PSMD8: variants seen among roughly 807,000 people sequenced by gnomAD.
The protein encoded by PSMD8 is 26S proteasome non-ATPase regulatory subunit 8.
In PSMD8, 30 loss-of-function variants were observed where a neutral mutation model predicts 40.0. The observed-to-expected ratio is 0.75, with a 90% CI of 0.56 to 1.02. PSMD8 has a LOEUF of 1.02. Among genes scored for constraint, PSMD8 ranks in the 50% least tolerant of loss-of-function variants. PSMD8 has a pLI of 0.00. For synonymous variants in PSMD8, 208 were observed against 192.5 expected (o/e 1.08, Z -0.67); for missense variants, 461 against 463.9 (o/e 0.99, Z 0.06).
chr19:38,383,110 A>G, intron 6 of PSMD8, 143 bp from the exon 7 acceptor site: 3 of 1,015,572 alleles, frequency 3.0e-6, no homozygotes, highest in Non-Finnish European at 4.4e-6. Flanking sequence ...CAGAGAGGTG[A>G]AGTTACTTGT....
Position 38,376,226 on chromosome 19 carries a change from C to G in PSMD8, c.427C>G (p.Leu143Val), listed in dbSNP as rs1284501109. The G allele has an allele frequency of 6.3e-7, 1 of 1,599,616 alleles. No homozygotes were observed. Among genetic ancestry groups the G allele is most frequent in the African/African-American group, 1.3e-5 (1 of 74,612 alleles). ...CAAGCTGACCAAACAGCAGCTAATT[C>G]TGGCCCGTGAGTGTCACTGGGGTTG... is the stretch of plus-strand genomic sequence containing the variant. The part of the protein sequence containing the change: ...GTKLTKQQLI[L>V]ARDILEIGAQ... The change falls in exon 2 of 7, where the codon CTG (leucine) becomes GTG (valine). Residue 143 changes from leucine (L) to valine (V), a missense_variant. By Grantham distance (32) the Leu-to-Val change is conservative. Around this residue, in one of 2 missense-constraint regions of PSMD8, gnomAD observed 236 missense variants for 321.2 expected, o/e 0.73. Transcript: ENST00000215071.
At position 38,380,962 on chromosome 19, in the gene PSMD8, T is replaced by C. The variant is rs868221282; in HGVS notation, c.766T>C (p.Tyr256His). ...CAAGGGTAACATCCCCGCCGAGAGCTACACCTTCTTCATTGACATCCTGCT... is the reference window on the plus strand; with the variant it reads ...CAAGGGTAACATCCCCGCCGAGAGCCACACCTTCTTCATTGACATCCTGCT... ...LAKGNIPAES[Y>H]TFFIDILLDT... Residue 256 changes from tyrosine (Y) to histidine (H), a missense_variant, in exon 5 of 7, where the codon TAC becomes CAC. By Grantham distance (83) the Tyr-to-His change is moderately conservative. Transcript: ENST00000215071. 1 of 1,589,446 alleles carries C rather than the reference T, an allele frequency of 6.3e-7. No homozygotes were observed. Among genetic ancestry groups the C allele is most frequent in the East Asian group, 2.3e-5 (1 of 43,786 alleles).
At chr19:38,375,130 T>C in intron 1 of PSMD8, 169 bp downstream of exon 1, 4 of 1,145,024 alleles carry the variant, frequency 3.5e-6, no homozygotes, top group Non-Finnish European at 3.6e-6. Context: ...AAGTGGGGGC[T>C]CGGAGGGCGT....
intron 4 of PSMD8, 75 bp downstream of exon 4, chr19:38,379,480 A>G (rs990104659): frequency 6.3e-5 from 95 of 1,503,112 alleles, no homozygotes; most frequent in Non-Finnish European, 7.9e-5. Context: ...GGCTTTCCTG[A>G]AGGAGTGGCC....
At chr19:38,379,671 G>A (rs1970624212) in intron 4 of PSMD8, among the ~76,000 whole-genome samples, 1 of 152,230 alleles carries the variant, frequency 6.6e-6, no homozygotes, top group African/African-American at 2.4e-5. Flanking sequence ...AGCCCGAAGA[G>A]TGAGTGGCCT....
At chr19:38,379,636 C>T (rs1202145477) in intron 4 of PSMD8, among the ~76,000 whole-genome samples, 1 of 152,176 alleles carries the variant, frequency 6.6e-6, no homozygotes, top group Non-Finnish European at 1.5e-5. Flanking sequence ...GTGGTGATGA[C>T]ACTGGGGTGT....
Position 38,382,180 on chromosome 19 carries a change from G to C in PSMD8, c.867G>C (p.Arg289=). The C allele has an allele frequency of 6.3e-7, 1 of 1,596,474 alleles. No individual in the cohort carries two copies. The highest frequency in any genetic ancestry group is 2.3e-5 in the East Asian group (1 of 44,214). Residue 289 remains arginine (R), a synonymous_variant, in exon 6 of 7, where the codon CGG becomes CGC. Coordinates refer to ENST00000215071, the MANE Select transcript of PSMD8 (RefSeq NM_002812.5). ...AAATCCTTTTCACTGAGGCCACCCGGATCCTCTTCTTCAACACACCCAAAA... is the reference window on the plus strand; with the variant it reads ...AAATCCTTTTCACTGAGGCCACCCGCATCCTCTTCTTCAACACACCCAAAA... The part of the protein sequence containing the change: ...YEKILFTEAT[R]ILFFNTPKKM...
At position 38,382,178 on chromosome 19, in the gene PSMD8, C is replaced by A. The variant is rs746239567; in HGVS notation, c.865C>A (p.Arg289=). ...GAAAATCCTTTTCACTGAGGCCACCCGGATCCTCTTCTTCAACACACCCAA... is the reference window on the plus strand; with the variant it reads ...GAAAATCCTTTTCACTGAGGCCACCAGGATCCTCTTCTTCAACACACCCAA... ...YEKILFTEAT[R]ILFFNTPKKM... The change falls in exon 6 of 7, where the codon CGG becomes AGG. Residue 289 remains arginine, a synonymous_variant. Coordinates refer to ENST00000215071, the MANE Select transcript of PSMD8 (RefSeq NM_002812.5). The A allele has an allele frequency of 2.5e-6, 4 of 1,595,774 alleles. No individual in the cohort carries two copies. The highest frequency in any genetic ancestry group is 1.1e-5 in the South Asian group (1 of 87,486).
At position 38,376,425 on chromosome 19, in the gene PSMD8, C is replaced by G. The variant is rs1970598919; in HGVS notation, c.507C>G (p.Ala169=). ...KDIPSFERYM[A]QLKCYYFDYK... ...TCCCCTCCTTCGAGCGCTACATGGC[C>G]CAGCTCAAATGCTACTACTTTGATT... Residue 169 remains alanine (A), a synonymous_variant, in exon 3 of 7, where the codon GCC becomes GCG. Coordinates refer to ENST00000215071, the MANE Select transcript of PSMD8 (RefSeq NM_002812.5). The G allele has an allele frequency of 1.9e-6, 3 of 1,552,128 alleles. No homozygotes were observed. The highest frequency in any genetic ancestry group is 2.4e-5 in the South Asian group (2 of 84,084).
chr19:38,379,408 G>A lies in PSMD8; in HGVS notation c.702+3G>A. On this transcript the variant is annotated splice_donor_region_variant and intron_variant, in intron 4 of 6. Coordinates refer to ENST00000215071, the MANE Select transcript of PSMD8 (RefSeq NM_002812.5). ...AGCACCCAGTGTCCCTGGAGCAAGT[G>A]AGATGGCAAGGGGCAGGGGAGGACC... The A allele has an allele frequency of 6.2e-7, 1 of 1,613,892 alleles. No individual in the cohort carries two copies. The highest frequency in any genetic ancestry group is 8.5e-7 in the Non-Finnish European group (1 of 1,179,848).
At position 38,374,750 on chromosome 19, in the gene PSMD8, G is replaced by A. The variant is rs770187105; in HGVS notation, c.149G>A (p.Arg50His). 4 of 1,557,230 alleles carry A rather than the reference G, an allele frequency of 2.6e-6. No homozygotes were observed. Among genetic ancestry groups the A allele is most frequent in the African/African-American group, 1.4e-5 (1 of 73,726 alleles). ...HFRRASVCRR[R>H]CRKSGGLLAA... ...CGCCGGGCAAGCGTTTGTAGGCGGC[G>A]CTGCCGTAAATCAGGCGGTCTGCTT... is the stretch of plus-strand genomic sequence containing the variant. The change falls in exon 1 of 7, where the codon CGC becomes CAC. Residue 50 changes from arginine (R) to histidine (H), a missense_variant. Physicochemically the swap from Arg to His is conservative, Grantham distance 29. Coordinates refer to ENST00000215071, the MANE Select transcript of PSMD8 (RefSeq NM_002812.5).
At chr19:38,377,500 CTT>C (rs59462018) in intron 3 of PSMD8, among the ~76,000 whole-genome samples, 1 of 142,146 alleles carries the variant, frequency 7.0e-6, no homozygotes, top group East Asian at 2.1e-4. Context: ...ACTCCAATAA[CTT>C]TTTTTTTTTT....
chr19:38,376,081 G>A, intron 1 of PSMD8, 79 bp from the exon 2 acceptor site: 1 of 1,368,472 alleles, frequency 7.3e-7, no homozygotes, highest in Non-Finnish European at 1.0e-6. Context: ...CAAGTGGGAA[G>A]ACCAGAGCGT....
intron 4 of PSMD8, 43 bp from the exon 5 acceptor site, chr19:38,380,856 C>T: frequency 6.8e-7 from 1 of 1,464,380 alleles, no homozygotes; most frequent in East Asian, 2.5e-5. Flanking sequence ...CCTTTGCAGC[C>T]TCCTCTTCAT....
At chr19:38,382,606 T>G in intron 6 of PSMD8, 1 of 428,116 alleles carries the variant, frequency 2.3e-6, no homozygotes, top group East Asian at 3.9e-5. Context: ...AAGGTGAAAT[T>G]GGGCTGGGTG....
chr19:38,383,446 A>G lies in PSMD8; in HGVS notation c.*56A>G. 1 of 1,605,970 alleles carries G rather than the reference A, an allele frequency of 6.2e-7. No homozygotes were observed. Among genetic ancestry groups the G allele is most frequent in the South Asian group, 1.1e-5 (1 of 90,596 alleles). Reference sequence around the variant, plus strand: ...GAGTTATTTAAAACAGTTACACTGCAGGGTTTCGCCCAATAAAGGTGGACT... The same window carrying G: ...GAGTTATTTAAAACAGTTACACTGCGGGGTTTCGCCCAATAAAGGTGGACT... On this transcript the variant is annotated 3_prime_UTR_variant, in exon 7 of 7. Transcript: ENST00000215071.
chr19:38,374,970 G>T lies in PSMD8; in HGVS notation c.360+9G>T. The T allele has an allele frequency of 6.5e-7, 1 of 1,548,710 alleles. No homozygotes were observed. Among genetic ancestry groups the T allele is most frequent in the South Asian group, 1.2e-5 (1 of 84,868 alleles). On this transcript the variant is annotated intron_variant, in intron 1 of 6. Coordinates refer to ENST00000215071, the MANE Select transcript of PSMD8 (RefSeq NM_002812.5). Reference sequence around the variant, plus strand: ...AGCTGGGTCGACTCAAGGTAAAGTCGGCAGGCCCAGGAAACCGAGTGTTGC... The same window carrying T: ...AGCTGGGTCGACTCAAGGTAAAGTCTGCAGGCCCAGGAAACCGAGTGTTGC...
intron 3 of PSMD8, 140 bp from the exon 4 acceptor site, chr19:38,379,100 T>C (rs1387819618): frequency 1.2e-6 from 1 of 803,028 alleles, no homozygotes; most frequent in African/African-American, 1.7e-5. Flanking sequence ...TGGGACACAG[T>C]TTCCTCATAT....
At chr19:38,382,034 A>T (rs1970644484) in intron 5 of PSMD8, 83 bp from the exon 6 acceptor site, 1 of 940,896 alleles carries the variant, frequency 1.1e-6, no homozygotes, top group African/African-American at 1.6e-5. Context: ...CCAGGGTCAG[A>T]GCTGACACAT....
Sources: allele counts gnomAD v4.1 joint callset (sites outside exome capture counted in the v4.1 genomes callset), GRCh38; gene constraint gnomAD v4.1.1; regional missense constraint gnomAD v4.1.1; transcripts MANE v1.5; gene names NCBI Gene and HGNC (gene_info 2026-07-23, HGNC 2026-07-21).